Variants in NTM observed in about 807,000 individuals in gnomAD.
NTM encodes the protein IgLON family member 2.
NTM carries 13 observed loss-of-function variants against 42.1 expected under a neutral mutation model. The ratio of observed to expected loss-of-function variants is 0.31; its 90% CI spans 0.20 to 0.49. The LOEUF (loss-of-function observed/expected upper bound fraction) is 0.49, where lower values mean the gene tolerates loss of function less well. NTM is among the 20% of genes least tolerant of loss of function. NTM has a pLI of 0.99. For synonymous variants in NTM, 187 were observed against 179.2 expected (o/e 1.04, Z -0.35); for missense variants, 373 against 452.8 (o/e 0.82, Z 1.60).
intron 7 of NTM, among the ~76,000 whole-genome samples, chr11:132,319,365 C>T (rs943574684): frequency 1.3e-5 from 2 of 152,208 alleles, no homozygotes; most frequent in Non-Finnish European, 2.9e-5. Context: ...ATTCCCTTTC[C>T]TAGTCAAAGA....
intron 1 of NTM, among the ~76,000 whole-genome samples, chr11:131,766,826 A>T (rs2085189963): frequency 1.3e-5 from 2 of 152,096 alleles, no homozygotes. Context: ...ATCCCATTTG[A>T]GTCACTGCCA....
At chr11:132,302,935 C>T (rs2094920801) in intron 4 of NTM, among the ~76,000 whole-genome samples, 1 of 152,210 alleles carries the variant, frequency 6.6e-6, no homozygotes, top group Admixed American at 6.5e-5. Context: ...GCAAGCACCT[C>T]ATCCCAGGAG....
At chr11:131,556,301 A>G (rs1394074628) in intron 1 of NTM, among the ~76,000 whole-genome samples, 2 of 152,234 alleles carry the variant, frequency 1.3e-5, no homozygotes, top group African/African-American at 2.4e-5. Flanking sequence ...AAGCAGGTAG[A>G]CAGAATATTG....
At chr11:131,603,061 G>A (rs111688395) in intron 1 of NTM, among the ~76,000 whole-genome samples, 2,090 of 152,136 alleles carry the variant, frequency 0.014, 28 homozygotes, top group Non-Finnish European at 0.021. Flanking sequence ...ATTCCATACA[G>A]CAGCAATTGT....
intron 1 of NTM, among the ~76,000 whole-genome samples, chr11:131,495,482 C>T (rs987851477): frequency 3.3e-5 from 5 of 152,262 alleles, no homozygotes; most frequent in African/African-American, 1.2e-4. Flanking sequence ...TTTTGCCTCT[C>T]TGCCCCACTA....
chr11:132,301,135 G>A (rs1241284806), intron 4 of NTM, among the ~76,000 whole-genome samples: 1 of 152,196 alleles, frequency 6.6e-6, no homozygotes, highest in African/African-American at 2.4e-5. Flanking sequence ...CAGGGCTGGG[G>A]AGGCCTCAGG....
At chr11:131,395,996 G>A (rs752248565) in intron 1 of NTM, among the ~76,000 whole-genome samples, 8 of 152,344 alleles carry the variant, frequency 5.3e-5, no homozygotes, top group Middle Eastern at 3.4e-3. Context: ...GGGTCCTGAC[G>A]TGGCAGTGCA....
intron 1 of NTM, among the ~76,000 whole-genome samples, chr11:131,909,317 A>G (rs1187643810): frequency 1.3e-5 from 2 of 152,176 alleles, no homozygotes; most frequent in African/African-American, 2.4e-5. Context: ...ATCTACATGT[A>G]AGTGATTGGT....
intron 3 of NTM, among the ~76,000 whole-genome samples, chr11:132,167,390 C>T (rs569898289): frequency 3.3e-5 from 5 of 152,056 alleles, no homozygotes; most frequent in Admixed American, 6.6e-5. Flanking sequence ...TCTTGACTTG[C>T]CTCCCTCTCA....
intron 2 of NTM, among the ~76,000 whole-genome samples, chr11:131,937,483 A>G (rs541558526): frequency 6.6e-6 from 1 of 152,282 alleles, no homozygotes; most frequent in African/African-American, 2.4e-5. Context: ...AGGCCTGGAG[A>G]TGCAGCGATG....
chr11:131,744,727 T>C (rs1018672947), intron 1 of NTM, among the ~76,000 whole-genome samples: 5 of 152,162 alleles, frequency 3.3e-5, no homozygotes, highest in Non-Finnish European at 5.9e-5. Context: ...ACAGACTACA[T>C]ACTTACCCTC....
chr11:132,286,758 A>T (rs1398449569), intron 4 of NTM, among the ~76,000 whole-genome samples: 1 of 152,210 alleles, frequency 6.6e-6, no homozygotes, highest in Non-Finnish European at 1.5e-5. Context: ...AGAGCAGGGC[A>T]CAGTGTTGAA....
At chr11:131,483,171 C>T (rs538636997) in intron 1 of NTM, among the ~76,000 whole-genome samples, 98 of 152,304 alleles carry the variant, frequency 6.4e-4, no homozygotes, top group African/African-American at 2.3e-3. Flanking sequence ...GTCAAAGCTT[C>T]GAGAGAAGCT....
chr11:131,474,253 C>T (rs1224197546), intron 1 of NTM, among the ~76,000 whole-genome samples: 4 of 152,130 alleles, frequency 2.6e-5, no homozygotes, highest in Non-Finnish European at 5.9e-5. Flanking sequence ...ACAGTTAACC[C>T]ACCTCCTCCA....
intron 2 of NTM, among the ~76,000 whole-genome samples, chr11:131,923,361 T>C (rs2057492980): frequency 6.6e-6 from 1 of 152,238 alleles, no homozygotes; most frequent in South Asian, 2.1e-4. Context: ...TTAGGAATAA[T>C]AGTAAGCTAT....
At chr11:132,202,699 T>A (rs2081341161) in intron 3 of NTM, among the ~76,000 whole-genome samples, 1 of 152,210 alleles carries the variant, frequency 6.6e-6, no homozygotes, top group South Asian at 2.1e-4. Flanking sequence ...GAAAGAATGG[T>A]ATGGACTGCA....
intron 2 of NTM, among the ~76,000 whole-genome samples, chr11:131,978,781 T>G (rs974679426): frequency 6.6e-6 from 1 of 152,242 alleles, no homozygotes; most frequent in African/African-American, 2.4e-5. Flanking sequence ...AGAATTACAT[T>G]AGCACATTGA....
At chr11:131,496,256 C>T (rs556566732) in intron 1 of NTM, among the ~76,000 whole-genome samples, 4 of 152,322 alleles carry the variant, frequency 2.6e-5, no homozygotes, top group Admixed American at 6.5e-5. Flanking sequence ...AGCTTTTACA[C>T]CCCCTTCACC....
chr11:131,613,005 T>C (rs139326033), intron 1 of NTM, among the ~76,000 whole-genome samples: 181 of 152,322 alleles, frequency 1.2e-3, no homozygotes, highest in African/African-American at 3.5e-3. Flanking sequence ...AGAAGCTTAG[T>C]TCCCTGGGGC....
Sources: allele counts gnomAD v4.1 joint callset (sites outside exome capture counted in the v4.1 genomes callset), GRCh38; gene constraint gnomAD v4.1.1; transcripts MANE v1.5; gene names NCBI Gene and HGNC (gene_info 2026-07-23, HGNC 2026-07-21).